The following PDLIM5 variants were observed in gnomAD, a reference collection of about 807,000 sequenced individuals.
PDLIM5 encodes the protein PDZ and LIM domain 5.
PDLIM5 carries 34 observed loss-of-function variants against 64.2 expected under a neutral mutation model. The observed-to-expected ratio is 0.53, with a 90% CI of 0.40 to 0.71. PDLIM5 has a LOEUF of 0.71. PDLIM5 is among the 30% of genes least tolerant of loss of function. The pLI, the probability that PDLIM5 is intolerant of heterozygous loss-of-function variation, is 0.00. For missense variants in PDLIM5, 683 were observed against 733.6 expected (o/e 0.93, Z 0.80); for synonymous variants, 253 against 269.1 (o/e 0.94, Z 0.59).
rs370482740 is a variant in PDLIM5 at position 94,498,099 on chromosome 4, C to T, written c.97-25625C>T. On this transcript the variant is annotated intron_variant, in intron 2 of 12. Coordinates refer to ENST00000317968, the MANE Select transcript of PDLIM5 (RefSeq NM_006457.5). ...CCACATGAGGATTGACCTGGGCTTTCGGATCAGGGCTCAGCATTGAGAAAC... is the reference window on the plus strand; with the variant it reads ...CCACATGAGGATTGACCTGGGCTTTTGGATCAGGGCTCAGCATTGAGAAAC... Among the ~76,000 whole-genome samples, 9 of 152,256 alleles carry T rather than the reference C, an allele frequency of 5.9e-5. No individual in the cohort carries two copies. The East Asian group carries it at 7.7e-4, about 13-fold the overall frequency.
chr4:94,507,391 C>T (rs570453041), intron 2 of PDLIM5, among the ~76,000 whole-genome samples: 5 of 152,246 alleles, frequency 3.3e-5, no homozygotes, highest in African/African-American at 1.2e-4. Context: ...ACTTGAAAAT[C>T]TGAAGTGCAG....
At chr4:94,657,400 T>G in intron 10 of PDLIM5, 27 bp from the exon 11 acceptor site, 11 of 1,509,234 alleles carry the variant, frequency 7.3e-6, no homozygotes, top group Non-Finnish European at 1.0e-5. Context: ...TCTTCTTTTT[T>G]TACATCCAAT....
intron 3 of PDLIM5, among the ~76,000 whole-genome samples, chr4:94,570,298 C>T (rs1734698476): frequency 6.6e-6 from 1 of 152,014 alleles, no homozygotes; most frequent in African/African-American, 2.4e-5. Flanking sequence ...TTCTTTGACT[C>T]TTCAAAAAGC....
chr4:94,611,220 G>GGGA, intron 7 of PDLIM5: 1 of 1,529,206 alleles, frequency 6.5e-7, no homozygotes. Context: ...GAGCAGATAT[G>GGGA]GCAAGTGGTG....
intron 2 of PDLIM5, among the ~76,000 whole-genome samples, chr4:94,498,263 C>T (rs1727584625): frequency 6.6e-6 from 1 of 152,122 alleles, no homozygotes; most frequent in Admixed American, 6.6e-5. Flanking sequence ...AGTCTTTCAC[C>T]CATGGCTGAA....
intron 7 of PDLIM5, among the ~76,000 whole-genome samples, chr4:94,589,063 G>T (rs1267795693): frequency 6.6e-6 from 1 of 152,116 alleles, no homozygotes; most frequent in African/African-American, 2.4e-5. Flanking sequence ...GCCTCTGTAA[G>T]AAAATCTACT....
chr4:94,664,084 AGAAGAGAAGGAATTT>A lies in PDLIM5; in HGVS notation c.*26_*40del. ...AATTTTTGAAAGTCAACAGTTCAGG[AGAAGAGAAGGAATTT>A]GAAGAGAAAAAGGAAAATTAAAATT... is the stretch of plus-strand genomic sequence containing the variant. On this transcript the variant is annotated 3_prime_UTR_variant, in exon 13 of 13. Coordinates refer to ENST00000317968, the MANE Select transcript of PDLIM5 (RefSeq NM_006457.5). 1 of 1,545,674 alleles carries A rather than the reference AGAAGAGAAGGAATTT, an allele frequency of 6.5e-7. No individual in the cohort carries two copies. The highest frequency in any genetic ancestry group is 8.8e-7 in the Non-Finnish European group (1 of 1,137,518).
intron 3 of PDLIM5, among the ~76,000 whole-genome samples, chr4:94,558,221 G>C (rs2510770): frequency 2.0e-5 from 3 of 151,976 alleles, no homozygotes; most frequent in Non-Finnish European, 4.4e-5. Flanking sequence ...ATTGATTTGC[G>C]TATGTTGAAC....
chr4:94,590,522 A>G (rs969916154), intron 7 of PDLIM5, among the ~76,000 whole-genome samples: 1 of 152,254 alleles, frequency 6.6e-6, no homozygotes, highest in Admixed American at 6.5e-5. Flanking sequence ...AAGCAAGATG[A>G]TCTGAGGTAA....
intron 9 of PDLIM5, among the ~76,000 whole-genome samples, chr4:94,647,790 G>A (rs75551260): frequency 6.6e-6 from 1 of 151,870 alleles, no homozygotes; most frequent in African/African-American, 2.4e-5. Flanking sequence ...AAATTTAAAA[G>A]GACTGAGATC....
intron 2 of PDLIM5, chr4:94,456,594 T>C: frequency 1.4e-6 from 1 of 721,444 alleles, no homozygotes; most frequent in African/African-American, 1.8e-5. Flanking sequence ...TTAAAACAAT[T>C]GTATAATTTT....
At chr4:94,456,625 T>G in intron 2 of PDLIM5, 1 of 803,184 alleles carries the variant, frequency 1.2e-6, no homozygotes, top group Non-Finnish European at 2.0e-6. Flanking sequence ...GAAAGTGACA[T>G]TTAACCAATC....
At chr4:94,656,449 A>G (rs1264032880) in intron 10 of PDLIM5, among the ~76,000 whole-genome samples, 2 of 151,922 alleles carry the variant, frequency 1.3e-5, no homozygotes, top group African/African-American at 4.8e-5. Flanking sequence ...ATATGGTCCA[A>G]ATTTTACACA....
intron 2 of PDLIM5, among the ~76,000 whole-genome samples, chr4:94,492,013 A>AT (rs1726922257): frequency 6.6e-6 from 1 of 151,856 alleles, no homozygotes; most frequent in Non-Finnish European, 1.5e-5. Flanking sequence ...TCTGTCTGAA[A>AT]CTTTGTATCT....
At chr4:94,576,172 T>A in intron 5 of PDLIM5, 138 bp downstream of exon 5, 1 of 671,562 alleles carries the variant, frequency 1.5e-6, no homozygotes, top group Non-Finnish European at 2.6e-6. Flanking sequence ...CTCATTAACA[T>A]ATGGCCTTTA....
At chr4:94,556,876 G>C (rs1733382049) in intron 3 of PDLIM5, among the ~76,000 whole-genome samples, 1 of 152,140 alleles carries the variant, frequency 6.6e-6, no homozygotes, top group African/African-American at 2.4e-5. Context: ...TCTGATGGTA[G>C]TTTCTTTTGC....
chr4:94,575,654 A>G lies in PDLIM5; in HGVS notation c.330A>G (p.Thr110=). The G allele has an allele frequency of 6.2e-7, 1 of 1,605,416 alleles. No individual in the cohort carries two copies. Among genetic ancestry groups the G allele is most frequent in the African/African-American group, 1.3e-5 (1 of 74,956 alleles). ...PKEVVKPVPI[T]SPAVSKVTST... is the part of the protein sequence containing the mutation. The stretch of plus-strand genomic sequence containing the variant: ...AAGTAGTTAAACCTGTGCCCATTAC[A>G]TCTCCTGCTGTGTCCAAAGTCACTT... Residue 110 remains threonine, a synonymous_variant, in exon 5 of 13, where the codon ACA becomes ACG. Transcript: ENST00000317968.
intron 3 of PDLIM5, among the ~76,000 whole-genome samples, chr4:94,527,030 C>T (rs905387986): frequency 3.6e-4 from 53 of 146,402 alleles, no homozygotes; most frequent in Non-Finnish European, 5.5e-4. Context: ...CCATTGCGCC[C>T]GGCCTGAACA....
rs766420745 is a variant in PDLIM5, at chr4:94,575,606, T to C, written c.292-10T>C. 1 of 1,521,138 alleles carries C rather than the reference T, an allele frequency of 6.6e-7. No homozygotes were observed. The highest frequency in any genetic ancestry group is 2.3e-5 in the East Asian group (1 of 43,956). The allele number at this position is 1,521,138 out of a possible 1,614,324, so 94.2% of individuals were successfully genotyped here. On this transcript the variant is annotated splice_polypyrimidine_tract_variant and intron_variant, in intron 4 of 12. Coordinates refer to ENST00000317968, the MANE Select transcript of PDLIM5 (RefSeq NM_006457.5). ...GTGGTTTTGTGTATGTTTATTTTTG[T>C]TTTACATAGGGAGAACCTAAAGAAG... is the stretch of plus-strand genomic sequence containing the variant.
Sources: gnomAD v4.1 joint callset for allele counts (sites outside exome capture counted in the v4.1 genomes callset) on GRCh38, gnomAD v4.1.1 for gene constraint, MANE v1.5 for transcripts, NCBI Gene and HGNC (gene_info 2026-07-23, HGNC 2026-07-21) for gene names.